The following USH2A variants were observed in gnomAD, a reference collection of about 807,000 sequenced individuals.
USH2A encodes the protein usherin.
Under a neutral mutation model 538.9 loss-of-function variants are expected in USH2A, and 443 were observed. The ratio of observed to expected loss-of-function variants is 0.82; its 90% CI spans 0.76 to 0.89. USH2A has a LOEUF of 0.89. USH2A is among the 40% of genes least tolerant of loss of function. The pLI is 0.00. For missense variants in USH2A, 6,633 were observed against 6,324.8 expected, an observed-to-expected ratio of 1.05 and a Z score of -1.65; for synonymous variants, 2,413 against 2,273.5, an observed-to-expected ratio of 1.06 and a Z score of -1.75.
intron 51 of USH2A, among the ~76,000 whole-genome samples, chr1:215,789,323 C>T (rs1661907405): frequency 6.6e-6 from 1 of 152,094 alleles, no homozygotes; most frequent in South Asian, 2.1e-4. Flanking sequence ...TGTGTAGTTG[C>T]CTCATTGAAC....
At chr1:216,062,578 A>T (rs140481661) in intron 30 of USH2A, among the ~76,000 whole-genome samples, 19 of 152,300 alleles carry the variant, frequency 1.2e-4, no homozygotes, top group African/African-American at 4.6e-4. Flanking sequence ...ACTCATTTTA[A>T]TCTTTATAGC....
chr1:215,627,461 C>CTTCCTTCCTTCCTTCT (rs1656091258), intron 71 of USH2A, among the ~76,000 whole-genome samples: 2 of 133,276 alleles, frequency 1.5e-5, no homozygotes, highest in Non-Finnish European at 3.2e-5. Flanking sequence ...TCCTTCCTTC[C>CTTCCTTCCTTCCTTCT]TTCCTTCCTT....
At chr1:216,067,648 G>A (rs1269332887) in intron 30 of USH2A, among the ~76,000 whole-genome samples, 3 of 152,188 alleles carry the variant, frequency 2.0e-5, no homozygotes, top group Non-Finnish European at 4.4e-5. Context: ...CTGTGGATAT[G>A]AGGTGTGAAG....
In USH2A at chr1:216,199,817, G is replaced by A. The variant is rs146462407; in HGVS notation, c.3621C>T (p.Ile1207=). The A allele has an allele frequency of 4.0e-4, 640 of 1,614,184 alleles. 2 individuals are homozygous for A. In the African/African-American group the frequency reaches 5.4e-3, roughly 14 times the overall value. Residue 1207 remains isoleucine, a synonymous_variant, in exon 17 of 72, where the codon ATC becomes ATT. Transcript: ENST00000307340. ...ACTTGGCAAATGGAACCAGATTCCA[G>A]ATGGTAGCTGAGGTTTCATGACCTT... ...SYEGHETSAT[I]WNLVPFAKYD...
chr1:215,786,830 G>A lies in USH2A; in HGVS notation c.10227C>T (p.Ala3409=). The change falls in exon 52 of 72, where the codon GCC becomes GCT. Residue 3409 remains alanine (A), a synonymous_variant. Transcript: ENST00000307340. ...AGTCACACCTGCCACAATGTTCTGT[G>A]GCTTCCATAGATGCTGGGCAGAGGA... ...CRILCPASME[A]TEHCGRCDFN... is the part of the protein sequence containing the mutation. The A allele has an allele frequency of 6.2e-7, 1 of 1,613,870 alleles. No homozygotes were observed. Among genetic ancestry groups the A allele is most frequent in the South Asian group, 1.1e-5 (1 of 91,082 alleles).
chr1:215,755,215 G>A (rs1660754388), intron 58 of USH2A, among the ~76,000 whole-genome samples: 1 of 152,190 alleles, frequency 6.6e-6, no homozygotes, highest in African/African-American at 2.4e-5. Flanking sequence ...TTGGGGTTGA[G>A]AATCTGTCTT....
chr1:216,394,878 C>A (rs1350806246), intron 3 of USH2A, among the ~76,000 whole-genome samples: 1 of 151,802 alleles, frequency 6.6e-6, no homozygotes. Context: ...GCCACCACGC[C>A]CGGCTAATTT....
chr1:215,689,963 T>C (rs1382044081), intron 61 of USH2A, among the ~76,000 whole-genome samples: 1 of 152,244 alleles, frequency 6.6e-6, no homozygotes, highest in Non-Finnish European at 1.5e-5. Context: ...TACTTTGTTA[T>C]ATATAGCAGT....
chr1:215,919,274 T>C (rs1390313264), intron 38 of USH2A, among the ~76,000 whole-genome samples: 1 of 152,100 alleles, frequency 6.6e-6, no homozygotes, highest in African/African-American at 2.4e-5. Context: ...TCTTCTCACA[T>C]AGGGAAGGAA....
At chr1:216,233,121 C>G (rs1396532604) in intron 13 of USH2A, among the ~76,000 whole-genome samples, 1 of 152,100 alleles carries the variant, frequency 6.6e-6, no homozygotes. Flanking sequence ...ACTTCCTATT[C>G]CCTTTAGGAA....
rs2102727548 is a variant in USH2A, at chr1:215,743,310, C to G, written c.11415G>C (p.Val3805=). 6.2e-7 allele frequency: 1 copy of G among 1,604,466 alleles called. No homozygotes were observed. Among genetic ancestry groups the G allele is most frequent in the South Asian group, 1.1e-5 (1 of 90,720 alleles). The change falls in exon 59 of 72, where the codon GTG becomes GTC. Residue 3805 remains valine, a synonymous_variant. Transcript: ENST00000307340. ...CATCATTGAGTAAGACATTGTACTCCACAGGAATTTCGGGGATGAGGATCC... is the reference window on the plus strand; with the variant it reads ...CATCATTGAGTAAGACATTGTACTCGACAGGAATTTCGGGGATGAGGATCC... ...PPGILIPEIP[V]EYNVLLNDGS...
At position 215,884,711 on chromosome 1, in the gene USH2A, C is replaced by T. The variant is rs1211989702; in HGVS notation, c.8223+3715G>A. On this transcript the variant is annotated intron_variant, in intron 41 of 71. Transcript: ENST00000307340. ...CAAACATTGGCCCATCTTTAAAAGT[C>T]AATGAGGATGATGATTAAGACTCAA... Among the ~76,000 whole-genome samples, 3 of 152,154 alleles carry T rather than the reference C, an allele frequency of 2.0e-5. No individual in the cohort carries two copies. In the East Asian group the frequency reaches 5.8e-4, roughly 29 times the overall value.
rs776471973 is a variant in USH2A at position 215,671,282 on chromosome 1, C to T, written c.13823G>A (p.Arg4608Gln). The T allele has an allele frequency of 1.2e-6, 2 of 1,613,820 alleles. No homozygotes were observed. The highest frequency in any genetic ancestry group is 4.5e-5 in the East Asian group (2 of 44,852). The change falls in exon 64 of 72, where the codon CGA (arginine) becomes CAA (glutamine). Residue 4608 changes from arginine (R) to glutamine (Q), a missense_variant. By Grantham distance (43) the Arg-to-Gln change is conservative (BLOSUM62 1). Coordinates refer to ENST00000307340, the MANE Select transcript of USH2A (RefSeq NM_206933.4). ...TCCCAGGGTGGTGCACGCTTGAATT[C>T]GTATTTCATACCTTCAGGACATAAG... ...QLKPFHRYEI[R>Q]IQACTTLGCA... is the part of the protein sequence containing the mutation.
intron 11 of USH2A, among the ~76,000 whole-genome samples, chr1:216,262,615 A>G (rs971392974): frequency 1.3e-5 from 2 of 152,082 alleles, no homozygotes; most frequent in Non-Finnish European, 2.9e-5. Context: ...ATACTGTGGG[A>G]GCTTAGAAAG....
chr1:216,121,832 T>C (rs1399135340), intron 21 of USH2A, among the ~76,000 whole-genome samples: 3 of 152,178 alleles, frequency 2.0e-5, no homozygotes, highest in Admixed American at 2.0e-4. Context: ...ATTATAACAG[T>C]GGATATTGCT....
intron 3 of USH2A, among the ~76,000 whole-genome samples, chr1:216,389,809 A>T (rs780076735): frequency 6.6e-6 from 1 of 152,144 alleles, no homozygotes; most frequent in Non-Finnish European, 1.5e-5. Flanking sequence ...TTTACAGAGG[A>T]CAGTTTTTCT....
At chr1:215,919,045 G>T (rs1445419624) in intron 38 of USH2A, among the ~76,000 whole-genome samples, 1 of 151,908 alleles carries the variant, frequency 6.6e-6, no homozygotes, top group African/African-American at 2.4e-5. Context: ...TATTTGTGAA[G>T]AAAAATATGG....
At chr1:216,230,358 A>G (rs1209082949) in intron 14 of USH2A, among the ~76,000 whole-genome samples, 3 of 152,192 alleles carry the variant, frequency 2.0e-5, no homozygotes, top group African/African-American at 4.8e-5. Context: ...TGCGCTTTGT[A>G]TACTCATTTA....
At chr1:215,690,268 T>A (rs1571960773) in intron 61 of USH2A, among the ~76,000 whole-genome samples, 1 of 152,090 alleles carries the variant, frequency 6.6e-6, no homozygotes, top group East Asian at 1.9e-4. Flanking sequence ...CATAGACCTC[T>A]CCATAGGCAT....
Sources: gnomAD v4.1 joint callset for allele counts (sites outside exome capture counted in the v4.1 genomes callset) on GRCh38, gnomAD v4.1.1 for gene constraint, MANE v1.5 for transcripts, NCBI Gene and HGNC (gene_info 2026-07-23, HGNC 2026-07-21) for gene names.